The following SLC44A5 variants were observed in gnomAD, a reference collection of about 807,000 sequenced individuals.
SLC44A5 encodes solute carrier family 44 member 5, also known as choline transporter-like protein 5.
In SLC44A5, 57 loss-of-function variants were observed where a neutral mutation model predicts 101.8. That is an observed-to-expected ratio of 0.56 (90% CI 0.45 to 0.70). The LOEUF (loss-of-function observed/expected upper bound fraction) is 0.70, where lower values mean the gene tolerates loss of function less well. Among genes scored for constraint, SLC44A5 ranks in the 30% least tolerant of loss-of-function variants. The probability of loss-of-function intolerance (pLI) is 0.00; values close to 1 mark genes in which losing one functional copy is unlikely to be tolerated. For synonymous variants in SLC44A5, 281 were observed against 290.9 expected (o/e 0.97, Z 0.35); for missense variants, 737 against 853.1 (o/e 0.86, Z 1.70).
intron 2 of SLC44A5, among the ~76,000 whole-genome samples, chr1:75,479,345 G>C (rs1457113952): frequency 1.3e-5 from 2 of 152,134 alleles, no homozygotes; most frequent in Non-Finnish European, 2.9e-5. Context: ...AAAAGAACTA[G>C]AAAAGCAAGA....
the SLC44A5 span, among the ~76,000 whole-genome samples, chr1:75,625,067 C>T: frequency 3.9e-5 from 6 of 152,048 alleles, no homozygotes; most frequent in Non-Finnish European, 8.8e-5. Context: ...TATGAACCCA[C>T]TGAGTCGCAC....
chr1:75,531,212 A>G (rs1376185961), intron 2 of SLC44A5, among the ~76,000 whole-genome samples: 1 of 152,206 alleles, frequency 6.6e-6, no homozygotes, highest in Non-Finnish European at 1.5e-5. Flanking sequence ...CCTGTCCATA[A>G]ATAGACCTAT....
chr1:75,210,212 AATTTATTTATTT>A (rs145757681), intron 23 of SLC44A5, among the ~76,000 whole-genome samples: 1 of 151,184 alleles, frequency 6.6e-6, no homozygotes. Flanking sequence ...GTGCCTGGCT[AATTTATTTATTT>A]ATTTATTTAT....
intron 3 of SLC44A5, among the ~76,000 whole-genome samples, chr1:75,365,950 A>C (rs1435225347): frequency 6.6e-6 from 1 of 152,134 alleles, no homozygotes; most frequent in East Asian, 1.9e-4. Context: ...TTGATATCAC[A>C]CTTTATATTT....
chr1:75,652,960 G>T, the SLC44A5 span, among the ~76,000 whole-genome samples: 1 of 152,010 alleles, frequency 6.6e-6, no homozygotes, highest in African/African-American at 2.4e-5. Context: ...CTTGTTAATG[G>T]CTCATTACTT....
intron 6 of SLC44A5, among the ~76,000 whole-genome samples, chr1:75,253,241 C>T (rs1228797573): frequency 6.6e-6 from 1 of 152,160 alleles, no homozygotes; most frequent in Non-Finnish European, 1.5e-5. Flanking sequence ...TAATAGCAGG[C>T]CAGGCCCTCT....
chr1:75,213,760 A>G lies in SLC44A5; in HGVS notation c.1907T>C (p.Leu636Pro). 1 of 1,613,110 alleles carries G rather than the reference A, an allele frequency of 6.2e-7. No homozygotes were observed. Among genetic ancestry groups the G allele is most frequent in the Non-Finnish European group, 8.5e-7 (1 of 1,179,272 alleles). ...TGCTGGTCCTTGTGCAATCACTGGC[A>G]GTCTTTGTGTGAAGAATAGGAAGGC... ...VLAFLFFTQR[L>P]PVIAQGPASL... The change falls in exon 22 of 24, where the codon CTG becomes CCG. Residue 636 changes from leucine to proline, a missense_variant. By Grantham distance (98) the Leu-to-Pro change is moderately conservative. This residue lies in a region of SLC44A5 where 665 missense variants were observed against 764.4 expected (regional missense o/e 0.87). Transcript: ENST00000370859.
At chr1:75,527,111 G>A (rs371510963) in intron 2 of SLC44A5, among the ~76,000 whole-genome samples, 5 of 150,042 alleles carry the variant, frequency 3.3e-5, no homozygotes, top group East Asian at 1.9e-4. Flanking sequence ...CTCCAGCCTC[G>A]GTGGCAGAGC....
At chr1:75,214,746 A>C in intron 19 of SLC44A5, 68 bp from the exon 20 acceptor site, 2 of 1,308,284 alleles carry the variant, frequency 1.5e-6, no homozygotes, top group Non-Finnish European at 1.1e-6. Flanking sequence ...AGACAATCCA[A>C]TGACAGGAAG....
At chr1:75,681,328 T>C in the SLC44A5 span, among the ~76,000 whole-genome samples, 4 of 152,112 alleles carry the variant, frequency 2.6e-5, no homozygotes, top group African/African-American at 7.2e-5. Context: ...AGACCAATAT[T>C]CTTGATGAAC....
intron 1 of SLC44A5, among the ~76,000 whole-genome samples, chr1:75,562,620 G>A (rs1672580161): frequency 6.6e-6 from 1 of 152,050 alleles, no homozygotes; most frequent in South Asian, 2.1e-4. Flanking sequence ...CCCGGAGATG[G>A]AGTCTGCAGT....
the SLC44A5 span, among the ~76,000 whole-genome samples, chr1:75,638,374 T>C: frequency 6.6e-6 from 1 of 152,062 alleles, no homozygotes; most frequent in Non-Finnish European, 1.5e-5. Flanking sequence ...TTTATTCTTA[T>C]AATAACAAAC....
chr1:75,529,829 C>T (rs1670623480), intron 2 of SLC44A5, among the ~76,000 whole-genome samples: 1 of 152,108 alleles, frequency 6.6e-6, no homozygotes, highest in South Asian at 2.1e-4. Context: ...AAATATTCTG[C>T]TTGATTTTAA....
At position 75,580,847 on chromosome 1, in the gene SLC44A5, A is replaced by AG. The variant is rs1397594635; in HGVS notation, c.-70+30192_-70+30193insC. On this transcript the variant is annotated intron_variant, in intron 1 of 23. Coordinates refer to ENST00000370859, the MANE Select transcript of SLC44A5 (RefSeq NM_001130058.2). ...AGCAAGACTCTGTCTCAAAAAAAAA[A>AG]ACAAAGAAAAAGAAAAACAAAGAAA... is the stretch of plus-strand genomic sequence containing the variant. 4.0e-5 allele frequency among the ~76,000 whole-genome samples: 6 copies of AG among 150,986 alleles called. No individual in the cohort carries two copies. In the East Asian group the frequency reaches 9.7e-4, roughly 24 times the overall value.
chr1:75,332,467 A>G (rs779918458), intron 4 of SLC44A5, among the ~76,000 whole-genome samples: 2 of 152,198 alleles, frequency 1.3e-5, no homozygotes, highest in Admixed American at 1.3e-4. Context: ...TGAATGTTCT[A>G]TAGTTGTCCT....
the SLC44A5 span, among the ~76,000 whole-genome samples, chr1:75,699,541 C>T: frequency 6.9e-6 from 1 of 144,406 alleles, no homozygotes; most frequent in Non-Finnish European, 1.5e-5. Flanking sequence ...CCAGCCGCTG[C>T]AAAATCATGC....
chr1:75,582,553 T>C (rs1452579469), intron 1 of SLC44A5: 7 of 475,868 alleles, frequency 1.5e-5, no homozygotes, highest in Non-Finnish European at 2.2e-5. Flanking sequence ...CTACAAAGGG[T>C]TCAAAGTAGA....
chr1:75,329,623 A>G (rs757991616), intron 4 of SLC44A5, among the ~76,000 whole-genome samples: 1 of 152,190 alleles, frequency 6.6e-6, no homozygotes, highest in Non-Finnish European at 1.5e-5. Flanking sequence ...ACTAGAATGA[A>G]GGAATAAACT....
chr1:75,475,662 C>A (rs1667344684), intron 2 of SLC44A5, among the ~76,000 whole-genome samples: 1 of 152,210 alleles, frequency 6.6e-6, no homozygotes, highest in Non-Finnish European at 1.5e-5. Context: ...CCAAACCTTT[C>A]AGAGAATACC....
Sources: gnomAD v4.1 joint callset for allele counts (sites outside exome capture counted in the v4.1 genomes callset) on GRCh38, gnomAD v4.1.1 for gene constraint, gnomAD v4.1.1 regional missense constraint, MANE v1.5 for transcripts, NCBI Gene and HGNC (gene_info 2026-07-23, HGNC 2026-07-21) for gene names.